DNAH14: variants seen among roughly 807,000 people sequenced by gnomAD.
DNAH14 encodes axonemal beta dynein heavy chain 14.
DNAH14 carries 478 observed loss-of-function variants against 520.9 expected under a neutral mutation model. The observed-to-expected ratio is 0.92, with a 90% confidence interval of 0.85 to 0.99. The LOEUF (loss-of-function observed/expected upper bound fraction) is 0.99. Among genes scored for constraint, DNAH14 ranks in the 50% least tolerant of loss-of-function variants. DNAH14 has a pLI of 0.00. For synonymous variants in DNAH14, 1,581 were observed against 1,757.2 expected, an observed-to-expected ratio of 0.90 and a Z score of 2.51; for missense variants, 4,831 against 5,234.5, an observed-to-expected ratio of 0.92 and a Z score of 2.38.
At chr1:225,146,802 G>A (rs945209451) in intron 30 of DNAH14, among the ~76,000 whole-genome samples, 41 of 152,232 alleles carry the variant, frequency 2.7e-4, no homozygotes, top group African/African-American at 9.9e-4. Context: ...GCTGTCCAGG[G>A]AGGGATCTGG....
chr1:225,013,418 G>T (rs2064963903), intron 10 of DNAH14, among the ~76,000 whole-genome samples: 1 of 152,194 alleles, frequency 6.6e-6, no homozygotes, highest in Non-Finnish European at 1.5e-5. Context: ...ACTGGGAGGT[G>T]TTTCCCAGTC....
chr1:225,280,117 T>A (rs2093593560), intron 54 of DNAH14, among the ~76,000 whole-genome samples: 1 of 149,614 alleles, frequency 6.7e-6, no homozygotes, highest in Admixed American at 6.7e-5. Context: ...TAAAAATAGA[T>A]CTATAAAATT....
At chr1:225,398,420 G>A (rs1250245206) in intron 84 of DNAH14, 100 bp from the exon 85 acceptor site, 5 of 1,387,674 alleles carry the variant, frequency 3.6e-6, no homozygotes, top group African/African-American at 1.5e-5. Context: ...CCTTAGGCAG[G>A]ATGAGCCCCT....
intron 69 of DNAH14, among the ~76,000 whole-genome samples, chr1:225,345,450 C>G (rs2095271914): frequency 6.6e-6 from 1 of 152,168 alleles, no homozygotes; most frequent in African/African-American, 2.4e-5. Context: ...ATTATCTATA[C>G]TTTCTAGAGA....
intron 23 of DNAH14, among the ~76,000 whole-genome samples, chr1:225,104,781 T>C (rs2075863636): frequency 6.6e-6 from 1 of 152,194 alleles, no homozygotes; most frequent in Admixed American, 6.5e-5. Flanking sequence ...TCTCTTTTCT[T>C]CTCTATTAGT....
chr1:225,321,973 T>C (rs2094562231), intron 61 of DNAH14, among the ~76,000 whole-genome samples: 1 of 152,084 alleles, frequency 6.6e-6, no homozygotes, highest in South Asian at 2.1e-4. Context: ...CGCATACACA[T>C]GTACAGTGTC....
rs544580658 is a variant in DNAH14 at position 225,058,069 on chromosome 1, CT to C, written c.2424+6279del. On this transcript the variant is annotated intron_variant, in intron 17 of 85. Coordinates refer to ENST00000682510, the MANE Select transcript of DNAH14 (RefSeq NM_001367479.1). The stretch of plus-strand genomic sequence containing the variant: ...TAAAATGAGTTAGGGAGGATTCCCT[CT>C]TTTTCTGTTGATTGGAATACTTTCA... 4.9e-3 allele frequency among the ~76,000 whole-genome samples: 753 copies of C among 152,304 alleles called. 6 individuals are homozygous for C. Among genetic ancestry groups the C allele is most frequent in the African/African-American group, 0.017 (712 of 41,572 alleles).
chr1:225,078,897 T>TCTCTCC (rs1558884706), intron 17 of DNAH14, among the ~76,000 whole-genome samples: 2 of 135,994 alleles, frequency 1.5e-5, no homozygotes, highest in African/African-American at 5.6e-5. Flanking sequence ...TCTCTCTCTC[T>TCTCTCC]CCCCGCTTTT....
rs559070682 is a variant in DNAH14, at chr1:225,378,421, A to C, written c.12716+985A>C. Among the ~76,000 whole-genome samples, 11 of 152,328 alleles carry C rather than the reference A, an allele frequency of 7.2e-5. No homozygotes were observed. The South Asian group carries it at 1.5e-3, about 20-fold the overall frequency. Reference sequence around the variant, plus strand: ...ATTCTAAGGAGAAAATCAACTTTACAGTCAAAACAGTGTGATGACAAAGTA... The same window carrying C: ...ATTCTAAGGAGAAAATCAACTTTACCGTCAAAACAGTGTGATGACAAAGTA... On this transcript the variant is annotated intron_variant, in intron 79 of 85. Transcript: ENST00000682510.
rs759297945 is a variant in DNAH14, at chr1:225,335,800, TATATGTACATATATGTACATACAC to T, written c.10081-1413_10081-1390del. ...GCATATATTCATAAGTACATCTATG[TATATGTACATATATGTACATACAC>T]ATATGTACATATATGTACATACACA... On this transcript the variant is annotated intron_variant, in intron 66 of 85. Coordinates refer to ENST00000682510, the MANE Select transcript of DNAH14 (RefSeq NM_001367479.1). Among the ~76,000 whole-genome samples the T allele has an allele frequency of 6.8e-3, 762 of 111,766 alleles. 121 individuals carry two copies. Among genetic ancestry groups the T allele is most frequent in the Non-Finnish European group, 7.3e-3 (405 of 55,444 alleles). 73.3% of individuals were successfully genotyped at this position (111,766 alleles called of 152,430 possible).
At chr1:224,961,337 G>C (rs1388924796) in intron 4 of DNAH14, 1 of 152,114 alleles carries the variant, frequency 6.6e-6, no homozygotes, top group East Asian at 1.9e-4. Context: ...AATGTATGTT[G>C]TTTGAAGCCA....
At position 224,964,270 on chromosome 1, in the gene DNAH14, T is replaced by G. The variant is rs115900480; in HGVS notation, c.368-209T>G. ...ATTATGAATTAGGTCTTTTGTGACA[T>G]CTTTCTTAAATTCATAAATATTATT... On this transcript the variant is annotated intron_variant, in intron 4 of 85. Coordinates refer to ENST00000682510, the MANE Select transcript of DNAH14 (RefSeq NM_001367479.1). Among the ~76,000 whole-genome samples, 1,081 of 152,294 alleles carry G rather than the reference T, an allele frequency of 7.1e-3. 9 individuals are homozygous for G. Among genetic ancestry groups the G allele is most frequent in the African/African-American group, 0.024 (1,014 of 41,570 alleles).
At position 225,295,082 on chromosome 1, in the gene DNAH14, A is replaced by G. The variant is rs923589931; in HGVS notation, c.8469+5000A>G. 2.6e-5 allele frequency among the ~76,000 whole-genome samples: 4 copies of G among 152,062 alleles called. No individual in the cohort carries two copies. In the South Asian group the frequency reaches 8.3e-4, roughly 32 times the overall value. On this transcript the variant is annotated intron_variant, in intron 55 of 85. Coordinates refer to ENST00000682510, the MANE Select transcript of DNAH14 (RefSeq NM_001367479.1). ...ATAATAGTCTCTAGTAATCCTGGGT[A>G]TTTCTATGGTATCCATTGTGATGTA...
At chr1:225,051,095 C>T (rs1335310604) in intron 16 of DNAH14, among the ~76,000 whole-genome samples, 2 of 152,262 alleles carry the variant, frequency 1.3e-5, no homozygotes, top group East Asian at 1.9e-4. Flanking sequence ...TGGCACTGCT[C>T]TCTGGCCTGG....
intron 61 of DNAH14, among the ~76,000 whole-genome samples, chr1:225,322,214 C>A (rs1204855749): frequency 6.7e-6 from 1 of 149,700 alleles, no homozygotes; most frequent in Non-Finnish European, 1.5e-5. Context: ...CTTCAGTCTC[C>A]AAGTAGCTGG....
chr1:225,249,052 G>A (rs1234895741), intron 43 of DNAH14, among the ~76,000 whole-genome samples: 1 of 152,160 alleles, frequency 6.6e-6, no homozygotes, highest in Non-Finnish European at 1.5e-5. Context: ...TTCCTGACCT[G>A]TAAAATAAGA....
intron 71 of DNAH14, among the ~76,000 whole-genome samples, chr1:225,347,011 G>A (rs976658429): frequency 2.6e-5 from 4 of 152,062 alleles, no homozygotes; most frequent in Admixed American, 1.3e-4. Context: ...AACACAAAAA[G>A]CATGTTTATC....
At chr1:225,051,386 T>C (rs910124231) in intron 16 of DNAH14, 65 bp from the exon 17 acceptor site, 127 of 1,197,528 alleles carry the variant, frequency 1.1e-4, no homozygotes, top group Middle Eastern at 2.5e-4. Flanking sequence ...ACTATTAGCA[T>C]GCCAAACCAT....
intron 66 of DNAH14, among the ~76,000 whole-genome samples, chr1:225,334,909 T>G (rs997125447): frequency 4.5e-5 from 1 of 22,466 alleles, no homozygotes; most frequent in Non-Finnish European, 7.3e-5. Flanking sequence ...TGTGTGTGTG[T>G]ATATGTATAT....
Sources: gnomAD v4.1 joint callset for allele counts (sites outside exome capture counted in the v4.1 genomes callset) on GRCh38, gnomAD v4.1.1 for gene constraint, MANE v1.5 for transcripts, NCBI Gene and HGNC (gene_info 2026-07-23, HGNC 2026-07-21) for gene names.